MCTP2: variants seen among roughly 807,000 people sequenced by gnomAD.
MCTP2 encodes multiple C2 and transmembrane domain containing 2, also known as multiple C2 and transmembrane domain-containing protein 2.
In MCTP2, 132 loss-of-function variants were observed where a neutral mutation model predicts 111.6. The ratio of observed to expected loss-of-function variants is 1.18; its 90% CI spans 1.03 to 1.37. MCTP2 has a LOEUF of 1.37. Ranked by LOEUF, MCTP2 falls within the 40% of genes most tolerant of loss-of-function variation. The pLI, the probability that MCTP2 is intolerant of heterozygous loss-of-function variation, is 0.00. For synonymous variants in MCTP2, 395 were observed against 387.7 expected (o/e 1.02, Z -0.22); for missense variants, 1,183 against 1,067.9 (o/e 1.11, Z -1.50).
At chr15:94,305,996 A>G (rs953038749) in intron 2 of MCTP2, among the ~76,000 whole-genome samples, 2 of 152,178 alleles carry the variant, frequency 1.3e-5, no homozygotes, top group South Asian at 2.1e-4. Context: ...GAAAATGCAT[A>G]CGGTCTATTC....
chr15:94,398,089 G>T (rs2081370981), intron 14 of MCTP2, among the ~76,000 whole-genome samples: 2 of 152,114 alleles, frequency 1.3e-5, no homozygotes, highest in South Asian at 2.1e-4. Flanking sequence ...TTATATGTGG[G>T]GTCCACAGGT....
chr15:94,478,561 G>A (rs76284205), intron 22 of MCTP2, among the ~76,000 whole-genome samples: 6,316 of 152,150 alleles, frequency 0.042, 423 homozygotes, highest in African/African-American at 0.14. Flanking sequence ...ATAATTTTCC[G>A]AGATGTTTTC....
intron 17 of MCTP2, among the ~76,000 whole-genome samples, chr15:94,427,459 C>A (rs66804787): frequency 0.4 from 60,964 of 151,896 alleles, 12,304 homozygotes; most frequent in Middle Eastern, 0.44. Context: ...AGGGGAAGCA[C>A]CATGTCTTAC....
intron 20 of MCTP2, among the ~76,000 whole-genome samples, chr15:94,464,183 C>A (rs1215562736): frequency 2.2e-5 from 3 of 138,792 alleles, no homozygotes; most frequent in African/African-American, 8.1e-5. Flanking sequence ...AGCATCTAGG[C>A]CTGAAGTTTT....
In MCTP2 at chr15:94,482,178, A is replaced by G. The variant is rs970522018; in HGVS notation, c.*3144A>G. On this transcript the variant is annotated 3_prime_UTR_variant, in exon 23 of 23. Transcript: ENST00000357742. ...CATTCCCTTGGTAAAGCCAGACATTAAACAGATACTTTCAAGCAACAGCAT... is the reference window on the plus strand; with the variant it reads ...CATTCCCTTGGTAAAGCCAGACATTGAACAGATACTTTCAAGCAACAGCAT... 5 of 152,246 alleles carry G rather than the reference A, an allele frequency of 3.3e-5. No homozygotes were observed. Among genetic ancestry groups the G allele is most frequent in the African/African-American group, 4.8e-5 (2 of 41,468 alleles). 9.4% of individuals were successfully genotyped at this position (152,246 alleles called of 1,614,324 possible). A position where few individuals can be genotyped will look rare whatever the true frequency, so the allele number is the denominator to read the frequency against.
chr15:94,359,053 T>G (rs868260924), intron 10 of MCTP2, among the ~76,000 whole-genome samples: 1 of 152,338 alleles, frequency 6.6e-6, no homozygotes, highest in South Asian at 2.1e-4. Flanking sequence ...CCAAATCTAT[T>G]TTATTTTATT....
intron 7 of MCTP2, chr15:94,342,283 A>G (rs1279437835): frequency 3.3e-5 from 5 of 152,202 alleles, no homozygotes. Flanking sequence ...TTAGAGTTTT[A>G]ACATAATGCC....
At chr15:94,280,429 T>A (rs996277152) in intron 1 of MCTP2, among the ~76,000 whole-genome samples, 2 of 136,642 alleles carry the variant, frequency 1.5e-5, no homozygotes, top group Admixed American at 7.2e-5. Context: ...TTTTTTTTTT[T>A]AATTTCTGTG....
At chr15:94,423,047 G>A (rs1335540171) in intron 17 of MCTP2, among the ~76,000 whole-genome samples, 4 of 152,130 alleles carry the variant, frequency 2.6e-5, no homozygotes, top group African/African-American at 4.8e-5. Flanking sequence ...TGAGCCTAAC[G>A]CAAAGTAGTA....
At chr15:94,383,414 G>A (rs1419986684) in intron 12 of MCTP2, among the ~76,000 whole-genome samples, 2 of 152,194 alleles carry the variant, frequency 1.3e-5, no homozygotes, top group East Asian at 3.8e-4. Context: ...TGTATGTGTG[G>A]CCGCTGGCTT....
intron 14 of MCTP2, among the ~76,000 whole-genome samples, chr15:94,386,207 A>C (rs150154112): frequency 3.2e-4 from 49 of 152,308 alleles, no homozygotes; most frequent in African/African-American, 9.4e-4. Flanking sequence ...TCATCTCTTA[A>C]TTAGACAGTG....
At chr15:94,333,798 A>G (rs1171256035) in intron 4 of MCTP2, among the ~76,000 whole-genome samples, 1 of 152,232 alleles carries the variant, frequency 6.6e-6, no homozygotes, top group Admixed American at 6.5e-5. Context: ...TAGGTAAGGA[A>G]GCAGCCAGTC....
intron 2 of MCTP2, among the ~76,000 whole-genome samples, chr15:94,310,504 A>C (rs529095405): frequency 6.6e-6 from 1 of 152,202 alleles, no homozygotes; most frequent in South Asian, 2.1e-4. Flanking sequence ...TTTTTTAAAA[A>C]GGCCAAGCAC....
intron 1 of MCTP2, among the ~76,000 whole-genome samples, chr15:94,266,609 T>C (rs971882086): frequency 6.6e-6 from 1 of 152,158 alleles, no homozygotes; most frequent in African/African-American, 2.4e-5. Context: ...CAACACTCAA[T>C]TTTGGAGACC....
Position 94,385,417 on chromosome 15 carries a change from T to C in MCTP2, c.1686-6T>C, listed in dbSNP as rs751228997. 5.9e-5 allele frequency: 94 copies of C among 1,592,038 alleles called. No homozygotes were observed. Among genetic ancestry groups the C allele is most frequent in the Non-Finnish European group, 7.8e-5 (90 of 1,160,482 alleles). On this transcript the variant is annotated splice_region_variant and splice_polypyrimidine_tract_variant and intron_variant, in intron 13 of 22. Coordinates refer to ENST00000357742, the MANE Select transcript of MCTP2 (RefSeq NM_001385001.1). ...TTGTGTATAATACATGGTATTTTTG[T>C]TACAGTCCCATTAAAGATATCCATG...
At chr15:94,272,340 G>T (rs2073949164) in intron 1 of MCTP2, among the ~76,000 whole-genome samples, 1 of 152,130 alleles carries the variant, frequency 6.6e-6, no homozygotes, top group African/African-American at 2.4e-5. Flanking sequence ...AGGGGTAGCA[G>T]TCCAATCAAT....
At chr15:94,259,936 C>T (rs2073079298) in intron 1 of MCTP2, among the ~76,000 whole-genome samples, 1 of 152,210 alleles carries the variant, frequency 6.6e-6, no homozygotes. Context: ...GAATGCCCTC[C>T]ACATCACCAT....
chr15:94,239,008 GAA>G (rs539868505), intron 1 of MCTP2, among the ~76,000 whole-genome samples: 10 of 99,692 alleles, frequency 1.0e-4, no homozygotes, highest in Non-Finnish European at 1.7e-4. Context: ...AGTTGACCGT[GAA>G]AAAAAAAAAA....
At chr15:94,395,917 G>A (rs577617279) in intron 14 of MCTP2, among the ~76,000 whole-genome samples, 1 of 152,198 alleles carries the variant, frequency 6.6e-6, no homozygotes, top group Admixed American at 6.5e-5. Flanking sequence ...TAAAAGCTTT[G>A]TGATATATTT....
Sources: gnomAD v4.1 joint callset for allele counts (sites outside exome capture counted in the v4.1 genomes callset) on GRCh38, gnomAD v4.1.1 for gene constraint, MANE v1.5 for transcripts, NCBI Gene and HGNC (gene_info 2026-07-23, HGNC 2026-07-21) for gene names.